The following CEBPZ variants were observed in gnomAD, a reference collection of about 807,000 sequenced individuals.
CEBPZ encodes CCAAT/enhancer-binding protein zeta.
In CEBPZ, 78 loss-of-function variants were observed where a neutral mutation model predicts 104.5. That is an observed-to-expected ratio of 0.75 (90% CI 0.62 to 0.90). The LOEUF (loss-of-function observed/expected upper bound fraction) is 0.90, where lower values mean the gene tolerates loss of function less well. CEBPZ is among the 40% of genes least tolerant of loss of function. The pLI is 0.00. For missense variants in CEBPZ, 1,439 were observed against 1,233.5 expected, an observed-to-expected ratio of 1.17 and a Z score of -2.50; for synonymous variants, 470 against 427.0, an observed-to-expected ratio of 1.10 and a Z score of -1.24.
rs1664796076 is a variant in CEBPZ at position 37,222,492 on chromosome 2, G to A, written c.1953C>T (p.Asp651=). The A allele has an allele frequency of 1.9e-6, 3 of 1,609,436 alleles. No individual in the cohort carries two copies. The highest frequency in any genetic ancestry group is 2.5e-6 in the Non-Finnish European group (3 of 1,178,614). The change falls in exon 4 of 16, where the codon GAC becomes GAT. Residue 651 remains aspartate (D), a synonymous_variant. Transcript: ENST00000234170. ...DEDMEKFTDA[D]KETEIVKKLE... ...GTTTTTTCACTATCTCTGTTTCTTT[G>A]TCTGCATCAGTGAATTTTTCCATGT...
chr2:37,211,674 A>G lies in CEBPZ; in HGVS notation c.2800+169T>C, dbSNP rs1014374973. On this transcript the variant is annotated intron_variant, in intron 12 of 15. Coordinates refer to ENST00000234170, the MANE Select transcript of CEBPZ (RefSeq NM_005760.3). ...AAGAAAACACACATAACACACAATAAAAACCCTTCAGCTCCAAACGAGAAG... is the reference window on the plus strand; with the variant it reads ...AAGAAAACACACATAACACACAATAGAAACCCTTCAGCTCCAAACGAGAAG... 4 of 555,112 alleles carry G rather than the reference A, an allele frequency of 7.2e-6. No individual in the cohort carries two copies. In the East Asian group the frequency reaches 1.2e-4, roughly 17 times the overall value. 34.4% of individuals were successfully genotyped at this position (555,112 alleles called of 1,614,324 possible).
rs1677764179 is a variant in CEBPZ, at chr2:37,212,773, C to CAA, written c.2546-382_2546-381insTT. 9 of 160,744 alleles carry CAA rather than the reference C, an allele frequency of 5.6e-5. No individual in the cohort carries two copies. In the South Asian group the frequency reaches 1.4e-3, roughly 25 times the overall value. 10.0% of individuals were successfully genotyped at this position (160,744 alleles called of 1,614,324 possible). On this transcript the variant is annotated intron_variant, in intron 10 of 15. Coordinates refer to ENST00000234170, the MANE Select transcript of CEBPZ (RefSeq NM_005760.3). ...ACATCTCATGCTTGTAATTCCAGCA[C>CAA]TTTGGGAGGCCGAGGTGGAGTGATC...
At position 37,212,359 on chromosome 2, in the gene CEBPZ, C is replaced by A. The variant is rs1214922480; in HGVS notation, c.2579G>T (p.Gly860Val). Residue 860 changes from glycine to valine, a missense_variant, in exon 11 of 16, where the codon GGA (glycine) becomes GTA (valine). By Grantham distance (109) the Gly-to-Val change is moderately radical. Coordinates refer to ENST00000234170, the MANE Select transcript of CEBPZ (RefSeq NM_005760.3). ...TFEDDNCFSS[G>V]KDDMDFAGNV... ...CCCAGCAAAATCCATATCATCCTTTCCAGAGCTGAAACAGTTATCATCTTC... is the reference window on the plus strand; with the variant it reads ...CCCAGCAAAATCCATATCATCCTTTACAGAGCTGAAACAGTTATCATCTTC... 1.2e-6 allele frequency: 2 copies of A among 1,613,482 alleles called. No individual in the cohort carries two copies. Among genetic ancestry groups the A allele is most frequent in the Non-Finnish European group, 8.5e-7 (1 of 1,179,780 alleles).
In CEBPZ at chr2:37,229,027, G is replaced by A. The variant is rs1664966653; in HGVS notation, c.166C>T (p.Leu56Phe). The A allele has an allele frequency of 2.0e-6, 3 of 1,527,886 alleles. No homozygotes were observed. The highest frequency in any genetic ancestry group is 1.3e-5 in the South Asian group (1 of 75,896). 94.6% of individuals were successfully genotyped at this position (1,527,886 alleles called of 1,614,324 possible). A position where few individuals can be genotyped will look rare whatever the true frequency, so the allele number is the denominator to read the frequency against. ...TTCTCATCCAAAGTAGCCAGCATAA[G>A]GTAATCTTGCTGCATTAAAAACATA... The part of the protein sequence containing the change: ...LRLGGTKQDY[L>F]MLATLDENEE... The change falls in exon 2 of 16, where the codon CTT becomes TTT. Residue 56 changes from leucine to phenylalanine, a missense_variant. Leu to Phe is a conservative substitution (Grantham distance 22). Transcript: ENST00000234170.
intron 15 of CEBPZ, chr2:37,202,320 G>A (rs770837772): frequency 5.0e-5 from 8 of 159,786 alleles, no homozygotes; most frequent in Non-Finnish European, 8.1e-5. Flanking sequence ...TTCCTTTCAG[G>A]TTGTAAAGTA....
At chr2:37,211,528 A>C (rs1458468957) in intron 12 of CEBPZ, 1 of 283,720 alleles carries the variant, frequency 3.5e-6, no homozygotes, top group Non-Finnish European at 6.5e-6. Flanking sequence ...ATGAATACTG[A>C]TTAACTTTTA....
chr2:37,229,063 A>G, intron 1 of CEBPZ, 27 bp from the exon 2 acceptor site: 3 of 1,445,124 alleles, frequency 2.1e-6, no homozygotes, highest in Non-Finnish European at 2.7e-6. Flanking sequence ...AGTTAAAAAT[A>G]CATTACAAAT....
chr2:37,203,760 C>T (rs1677402655), intron 13 of CEBPZ: 1 of 152,208 alleles, frequency 6.6e-6, no homozygotes, highest in Non-Finnish European at 1.5e-5. Flanking sequence ...GTTTCTATGA[C>T]TTGCCTTTTC....
chr2:37,211,595 A>G, intron 12 of CEBPZ: 1 of 437,744 alleles, frequency 2.3e-6, no homozygotes, highest in East Asian at 3.7e-5. Context: ...TGTATTGTAC[A>G]GAGAAGCTAG....
intron 1 of CEBPZ, chr2:37,231,139 T>C: frequency 1.6e-6 from 1 of 607,056 alleles, no homozygotes. Context: ...CTCTCCGACC[T>C]GATGGTGTGA....
intron 2 of CEBPZ, among the ~76,000 whole-genome samples, chr2:37,224,850 A>G (rs1664846230): frequency 6.6e-6 from 1 of 152,194 alleles, no homozygotes; most frequent in African/African-American, 2.4e-5. Flanking sequence ...CTGTTAAGAA[A>G]CTCCATCTGT....
At chr2:37,231,352 C>G (rs940119987) in intron 1 of CEBPZ, 60 bp downstream of exon 1, 1 of 1,603,218 alleles carries the variant, frequency 6.2e-7, no homozygotes, top group African/African-American at 1.3e-5. Flanking sequence ...GGGCAGTCAG[C>G]CTAGCCACCT....
intron 13 of CEBPZ, 107 bp downstream of exon 13, chr2:37,210,892 A>AC: frequency 2.1e-6 from 1 of 477,556 alleles, no homozygotes; most frequent in Admixed American, 4.2e-5. Context: ...AACCCCCCCC[A>AC]CCCCTGAATT....
At chr2:37,218,987 T>G (rs1048597861) in intron 5 of CEBPZ, among the ~76,000 whole-genome samples, 3 of 152,240 alleles carry the variant, frequency 2.0e-5, no homozygotes, top group Non-Finnish European at 4.4e-5. Context: ...TTAGAACCAC[T>G]GATTTCATCA....
chr2:37,206,615 C>G (rs761954657), intron 13 of CEBPZ, among the ~76,000 whole-genome samples: 1 of 152,144 alleles, frequency 6.6e-6, no homozygotes, highest in African/African-American at 2.4e-5. Flanking sequence ...CTGGGCCTCC[C>G]GAAGTGCTGG....
chr2:37,225,507 G>C (rs998801380), intron 2 of CEBPZ, among the ~76,000 whole-genome samples: 5 of 144,954 alleles, frequency 3.4e-5, no homozygotes, highest in African/African-American at 1.3e-4. Context: ...AATGGATTAA[G>C]GGCGGTGCAA....
At position 37,227,445 on chromosome 2, in the gene CEBPZ, A is replaced by G. The variant is rs1004753361; in HGVS notation, c.1649+99T>C. On this transcript the variant is annotated intron_variant, in intron 2 of 15. Coordinates refer to ENST00000234170, the MANE Select transcript of CEBPZ (RefSeq NM_005760.3). The stretch of plus-strand genomic sequence containing the variant: ...AGCTGCTGAGGGGGCCTAAAACCAA[A>G]TTTTCTAACTCTTTTTCTTGCCCCA... The G allele has an allele frequency of 2.2e-6, 3 of 1,345,692 alleles. No homozygotes were observed. The African/African-American group carries it at 4.4e-5, about 20-fold the overall frequency. 83.4% of individuals were successfully genotyped at this position (1,345,692 alleles called of 1,614,324 possible).
At chr2:37,217,352 C>T (rs1664632481) in intron 5 of CEBPZ, among the ~76,000 whole-genome samples, 1 of 152,062 alleles carries the variant, frequency 6.6e-6, no homozygotes, top group Admixed American at 6.5e-5. Flanking sequence ...AGTGAGCTGA[C>T]ATGGCACCAC....
At position 37,211,100 on chromosome 2, in the gene CEBPZ, T is replaced by C. The variant is rs1169861345; in HGVS notation, c.2801-18A>G. 1 of 1,572,828 alleles carries C rather than the reference T, an allele frequency of 6.4e-7. No homozygotes were observed. The highest frequency in any genetic ancestry group is 8.7e-7 in the Non-Finnish European group (1 of 1,153,048). ...TTCAAGTTCTGTTACACGAAAAAAT[T>C]TGCTAATAAGCAATTTAAAAACAAT... On this transcript the variant is annotated intron_variant, in intron 12 of 15. Coordinates refer to ENST00000234170, the MANE Select transcript of CEBPZ (RefSeq NM_005760.3).
Sources: allele counts gnomAD v4.1 joint callset (sites outside exome capture counted in the v4.1 genomes callset), GRCh38; gene constraint gnomAD v4.1.1; transcripts MANE v1.5; gene names NCBI Gene and HGNC (gene_info 2026-07-23, HGNC 2026-07-21).